DDX52: variants seen among roughly 807,000 people sequenced by gnomAD.
DDX52 encodes DExD-box helicase 52, also known as probable ATP-dependent RNA helicase DDX52.
A neutral mutation model predicts 76.1 loss-of-function variants in DDX52; 59 were observed. The ratio of observed to expected loss-of-function variants is 0.78; its 90% CI spans 0.63 to 0.96. DDX52 has a LOEUF of 0.96. DDX52 is among the 40% of genes least tolerant of loss of function. The probability of loss-of-function intolerance (pLI) is 0.00; values close to 1 mark genes in which losing one functional copy is unlikely to be tolerated. For missense variants in DDX52, 707 were observed against 703.9 expected (o/e 1.00, Z -0.05); for synonymous variants, 231 against 244.1 (o/e 0.95, Z 0.50).
At chr17:37,621,345 T>C (rs1008849844) in intron 10 of DDX52, 53 bp downstream of exon 10, 10 of 1,595,416 alleles carry the variant, frequency 6.3e-6, no homozygotes, top group Non-Finnish European at 8.5e-6. Context: ...TTAATGTCAA[T>C]AGTTTAAAAT....
At chr17:37,624,303 G>A in intron 9 of DDX52, 41 bp downstream of exon 9, 2 of 1,530,728 alleles carry the variant, frequency 1.3e-6, no homozygotes, top group Non-Finnish European at 1.8e-6. Flanking sequence ...TATAAGACTT[G>A]GCAAACTTTA....
In DDX52 at chr17:37,628,554, T is replaced by C. The variant is rs1398164127; in HGVS notation, c.859+7A>G. The C allele has an allele frequency of 6.2e-7, 1 of 1,607,246 alleles. No individual in the cohort carries two copies. Among genetic ancestry groups the C allele is most frequent in the African/African-American group, 1.3e-5 (1 of 74,884 alleles). On this transcript the variant is annotated splice_region_variant and intron_variant, in intron 6 of 14. Coordinates refer to ENST00000617633, the MANE Select transcript of DDX52 (RefSeq NM_007010.5). ...CTCTATCTACATCCCATGTATGAAT[T>C]CCTTACCAAACTTTTTAGATGATTT...
rs562130365 is a variant in DDX52 at position 37,619,403 on chromosome 17, A to G, written c.1649+365T>C. Among the ~76,000 whole-genome samples the G allele has an allele frequency of 2.0e-5, 3 of 152,312 alleles. No homozygotes were observed. In the East Asian group the frequency reaches 5.8e-4, roughly 29 times the overall value. ...CAAGGAAATAACATGTAATATTCACAAGCAGTTTTGGACTGGGCACAGTGA... is the reference window on the plus strand; with the variant it reads ...CAAGGAAATAACATGTAATATTCACGAGCAGTTTTGGACTGGGCACAGTGA... On this transcript the variant is annotated intron_variant, in intron 13 of 14. Coordinates refer to ENST00000617633, the MANE Select transcript of DDX52 (RefSeq NM_007010.5).
rs1221335680 is a variant in DDX52, at chr17:37,624,575, T to C, written c.1137-141A>G. 1.8e-5 allele frequency: 8 copies of C among 453,254 alleles called. No homozygotes were observed. In the Admixed American group the frequency reaches 3.4e-4, roughly 19 times the overall value. The allele number at this position is 453,254 out of a possible 1,614,324, so 28.1% of individuals were successfully genotyped here. A position where few individuals can be genotyped will look rare whatever the true frequency, so the allele number is the denominator to read the frequency against. On this transcript the variant is annotated intron_variant, in intron 8 of 14. Coordinates refer to ENST00000617633, the MANE Select transcript of DDX52 (RefSeq NM_007010.5). ...CAATATTAATAAGTACTGAATTATT[T>C]ATACTTTAACTTGAAGACAAAATTG...
rs199997711 is a variant in DDX52, at chr17:37,626,852, C to T, written c.868G>A (p.Val290Met). 1.2e-6 allele frequency: 2 copies of T among 1,610,442 alleles called. No homozygotes were observed. The highest frequency in any genetic ancestry group is 1.7e-6 in the Non-Finnish European group (2 of 1,179,056). The change falls in exon 7 of 15, where the codon GTG (valine) becomes ATG (methionine). Residue 290 changes from valine (V) to methionine (M), a missense_variant. Transcript: ENST00000617633. ...TAGATTAGTCGATTTGGAGTAGTCA[C>T]AAGAATATCTATAGGAAAAACAAAT... ...PKSSKKFDILVTTPNRLIYLL... is the reference protein window; with the variant it reads ...PKSSKKFDILMTTPNRLIYLL...
intron 2 of DDX52, among the ~76,000 whole-genome samples, chr17:37,636,938 A>AATAT (rs1361992199): frequency 6.6e-6 from 1 of 151,932 alleles, no homozygotes; most frequent in Non-Finnish European, 1.5e-5. Context: ...TGTAATCCCA[A>AATAT]ATATATATAT....
chr17:37,636,556 C>A (rs2030937617), intron 2 of DDX52, among the ~76,000 whole-genome samples: 2 of 152,302 alleles, frequency 1.3e-5, no homozygotes, highest in South Asian at 4.1e-4. Context: ...TGAACTAGAT[C>A]TAGTCTGAGA....
intron 2 of DDX52, among the ~76,000 whole-genome samples, chr17:37,636,839 C>T (rs1183367147): frequency 6.6e-6 from 1 of 152,174 alleles, no homozygotes; most frequent in Non-Finnish European, 1.5e-5. Context: ...TGTTCATGCC[C>T]TAATTGAAGA....
intron 6 of DDX52, among the ~76,000 whole-genome samples, chr17:37,627,499 A>G (rs1477710328): frequency 6.6e-6 from 1 of 152,110 alleles, no homozygotes; most frequent in Non-Finnish European, 1.5e-5. Flanking sequence ...TCCCTGCCTC[A>G]GCCTCCCAAA....
rs78788601 is a variant in DDX52, at chr17:37,627,057, C to G, written c.860-197G>C. ...TTTCTTTTTGAGACAGGGTCTTGCT[C>G]TGTCACCCAGCCTGGATGGAGTACA... On this transcript the variant is annotated intron_variant, in intron 6 of 14. Transcript: ENST00000617633. Among the ~76,000 whole-genome samples, 978 of 152,288 alleles carry G rather than the reference C, an allele frequency of 6.4e-3. 7 individuals carry two copies. Among genetic ancestry groups the G allele is most frequent in the African/African-American group, 0.02 (849 of 41,550 alleles).
At position 37,637,769 on chromosome 17, in the gene DDX52, T is replaced by G. The variant is rs909263194; in HGVS notation, c.286+4341A>C. On this transcript the variant is annotated intron_variant, in intron 2 of 14. Coordinates refer to ENST00000617633, the MANE Select transcript of DDX52 (RefSeq NM_007010.5). ...TTGTATTTTTAGTAGAGACGGGATT[T>G]CACCATGTTGGCCAGGCTGGTTTCG... is the stretch of plus-strand genomic sequence containing the variant. 5.3e-5 allele frequency among the ~76,000 whole-genome samples: 8 copies of G among 151,876 alleles called. No individual in the cohort carries two copies. The South Asian group carries it at 6.2e-4, about 12-fold the overall frequency.
intron 4 of DDX52, chr17:37,630,831 A>C (rs2030646455): frequency 6.6e-6 from 1 of 152,134 alleles, no homozygotes; most frequent in Non-Finnish European, 1.5e-5. Flanking sequence ...TAGTAGAGAC[A>C]GGGTTTCACC....
chr17:37,627,004 C>T, intron 6 of DDX52, 144 bp from the exon 7 acceptor site: 1 of 641,120 alleles, frequency 1.6e-6, no homozygotes, highest in East Asian at 2.9e-5. Flanking sequence ...TCCCTACTTT[C>T]CTTTTAATAT....
At chr17:37,622,464 T>C (rs1377991355) in intron 9 of DDX52, among the ~76,000 whole-genome samples, 2 of 152,044 alleles carry the variant, frequency 1.3e-5, no homozygotes, top group East Asian at 1.9e-4. Flanking sequence ...TGGCTAACTT[T>C]TTTGTATTTT....
intron 14 of DDX52, 83 bp from the exon 15 acceptor site, chr17:37,614,436 C>A: frequency 7.5e-7 from 1 of 1,341,322 alleles, no homozygotes; most frequent in Admixed American, 2.1e-5. Context: ...GTTTAATAAA[C>A]ATTTACTGAA....
intron 2 of DDX52, chr17:37,635,660 G>C (rs1219215133): frequency 8.8e-6 from 4 of 455,080 alleles, no homozygotes; most frequent in Non-Finnish European, 1.8e-5. Flanking sequence ...ATGTTGCTAT[G>C]AAAATTTGTG....
intron 2 of DDX52, among the ~76,000 whole-genome samples, chr17:37,640,823 TA>T (rs2031159472): frequency 6.6e-6 from 1 of 150,722 alleles, no homozygotes; most frequent in Admixed American, 6.6e-5. Context: ...CCGTCTCTAC[TA>T]AAAAATACAA....
intron 1 of DDX52, 151 bp downstream of exon 1, chr17:37,643,183 A>G: frequency 1.4e-6 from 1 of 703,304 alleles, no homozygotes; most frequent in Non-Finnish European, 2.3e-6. Flanking sequence ...CCGTGCAGGC[A>G]AGCCGAACAC....
Position 37,633,284 on chromosome 17 carries a change from T to C in DDX52, c.417+4A>G, listed in dbSNP as rs2030766492. On this transcript the variant is annotated splice_donor_region_variant and intron_variant, in intron 3 of 14. Coordinates refer to ENST00000617633, the MANE Select transcript of DDX52 (RefSeq NM_007010.5). ...TACTTTTGGCCCCAAAATATTTTTCTAACCTTTTCTTTTCTGAGATTCTCC... is the reference window on the plus strand; with the variant it reads ...TACTTTTGGCCCCAAAATATTTTTCCAACCTTTTCTTTTCTGAGATTCTCC... The C allele has an allele frequency of 6.3e-7, 1 of 1,598,526 alleles. No homozygotes were observed. The highest frequency in any genetic ancestry group is 1.1e-5 in the South Asian group (1 of 87,900).
Sources: allele counts gnomAD v4.1 joint callset (sites outside exome capture counted in the v4.1 genomes callset), GRCh38; gene constraint gnomAD v4.1.1; transcripts MANE v1.5; gene names NCBI Gene and HGNC (gene_info 2026-07-23, HGNC 2026-07-21).